CLIC2: variants seen among roughly 807,000 people sequenced by gnomAD.
The protein encoded by CLIC2 is CLIC family member 2, also known as chloride intracellular channel protein 2.
A neutral mutation model predicts 14.8 loss-of-function variants in CLIC2; 9 were observed. The ratio of observed to expected loss-of-function variants is 0.61; its 90% CI spans 0.37 to 1.06. The LOEUF (loss-of-function observed/expected upper bound fraction) is 1.06, where lower values mean the gene tolerates loss of function less well. Ranked by LOEUF, CLIC2 falls within the 50% of genes least tolerant of loss-of-function variation. CLIC2 has a pLI of 0.01. For synonymous variants in CLIC2, 61 were observed against 66.3 expected, an observed-to-expected ratio of 0.92 and a Z score of 0.39; for missense variants, 148 against 181.4, an observed-to-expected ratio of 0.82 and a Z score of 1.06.
At chrX:155,306,326 C>A (rs983565184) in intron 1 of CLIC2, among the ~76,000 whole-genome samples, 6 of 111,813 alleles carry the variant, frequency 5.4e-5, no homozygotes, top group African/African-American at 1.6e-4. Context: ...CTTGTTCCCA[C>A]TTTCAGCATG....
intron 1 of CLIC2, among the ~76,000 whole-genome samples, chrX:155,319,274 C>T (rs1557321337): frequency 9.0e-6 from 1 of 111,387 alleles, no homozygotes; most frequent in African/African-American, 3.3e-5. Context: ...GGCAAGATGG[C>T]CAAATAAGAA....
At chrX:155,311,656 T>C (rs1557320587) in intron 1 of CLIC2, among the ~76,000 whole-genome samples, 1 of 111,885 alleles carries the variant, frequency 8.9e-6, no homozygotes, top group Non-Finnish European at 1.9e-5. Context: ...ACCCTATTCT[T>C]GGTACCAATT....
In CLIC2 at chrX:155,334,550, C is replaced by A. The variant is rs1444759481; in HGVS notation, c.-123G>T. The A allele has an allele frequency of 3.3e-6, 2 of 609,040 alleles. No homozygotes were observed. The highest frequency in any genetic ancestry group is 2.8e-6 in the Non-Finnish European group (1 of 356,924). 50.2% of individuals were successfully genotyped at this position (609,040 alleles called of 1,213,427 possible). A position where few individuals can be genotyped will look rare whatever the true frequency, so the allele number is the denominator to read the frequency against. On this transcript the variant is annotated 5_prime_UTR_variant, in exon 1 of 6. Coordinates refer to ENST00000369449, the MANE Select transcript of CLIC2 (RefSeq NM_001289.6). ...TTGGTGCTTTAAGAAGACCGTCTAG[C>A]TTGTAGTGGACTGAGTCAGACCTGG...
intron 1 of CLIC2, among the ~76,000 whole-genome samples, chrX:155,307,946 G>C (rs1557320174): frequency 9.0e-6 from 1 of 110,676 alleles, no homozygotes; most frequent in African/African-American, 3.3e-5. Flanking sequence ...CAAGAACGAT[G>C]GGTACAAACA....
intron 1 of CLIC2, among the ~76,000 whole-genome samples, chrX:155,299,835 T>G (rs1336841004): frequency 2.9e-5 from 3 of 103,747 alleles, no homozygotes; most frequent in Non-Finnish European, 5.9e-5. Flanking sequence ...TGTTTGGTTT[T>G]TTGTTCTTGC....
chrX:155,295,265 A>G (rs1370283789), intron 3 of CLIC2, among the ~76,000 whole-genome samples: 1 of 111,892 alleles, frequency 8.9e-6, no homozygotes. Flanking sequence ...AAGGACAAAA[A>G]ACATATCATC....
rs1557317580 is a variant in CLIC2, at chrX:155,291,249, C to A, written c.293+7536G>T. The A allele has an allele frequency of 3.2e-6, 3 of 943,475 alleles. No individual in the cohort carries two copies. The African/African-American group carries it at 5.8e-5, about 18-fold the overall frequency. 77.8% of individuals were successfully genotyped at this position (943,475 alleles called of 1,213,427 possible). A position where few individuals can be genotyped will look rare whatever the true frequency, so the allele number is the denominator to read the frequency against. ...GTTATCCCAGGAATCTGAAGGCTGA[C>A]TATATATGATCCAATCATAAGTTGC... is the stretch of plus-strand genomic sequence containing the variant. On this transcript the variant is annotated intron_variant, in intron 3 of 5. Coordinates refer to ENST00000369449, the MANE Select transcript of CLIC2 (RefSeq NM_001289.6).
At chrX:155,313,197 CAAA>C (rs59429236) in intron 1 of CLIC2, among the ~76,000 whole-genome samples, 105 of 32,673 alleles carry the variant, frequency 3.2e-3, no homozygotes, top group African/African-American at 9.2e-3. Flanking sequence ...ATAAATAAGG[CAAA>C]AAAAAAAAAA....
chrX:155,330,657 T>C (rs1557322732), intron 1 of CLIC2, among the ~76,000 whole-genome samples: 1 of 110,914 alleles, frequency 9.0e-6, no homozygotes, highest in African/African-American at 3.3e-5. Context: ...AATAGAGAAG[T>C]TCAAAAAGAA....
intron 1 of CLIC2, among the ~76,000 whole-genome samples, chrX:155,328,642 T>A (rs1387764497): frequency 9.0e-6 from 1 of 110,939 alleles, no homozygotes; most frequent in Non-Finnish European, 1.9e-5. Context: ...CAGAAATTTT[T>A]AAAAATCCTA....
At chrX:155,285,051 T>C (rs1178012128) in intron 3 of CLIC2, among the ~76,000 whole-genome samples, 1 of 112,507 alleles carries the variant, frequency 8.9e-6, no homozygotes, top group African/African-American at 3.2e-5. Flanking sequence ...AATGGAGTTC[T>C]GGAATTCCCT....
chrX:155,330,797 A>G (rs888501025), intron 1 of CLIC2, among the ~76,000 whole-genome samples: 1 of 110,684 alleles, frequency 9.0e-6, no homozygotes, highest in South Asian at 3.8e-4. Flanking sequence ...GGAGGAGGGA[A>G]AGTCAGGGAT....
chrX:155,296,876 A>G (rs1219228944), intron 3 of CLIC2, among the ~76,000 whole-genome samples: 1 of 111,873 alleles, frequency 8.9e-6, no homozygotes, highest in African/African-American at 3.2e-5. Context: ...GAGTATAAAT[A>G]TAGCCACTAT....
At chrX:155,292,155 C>G in intron 3 of CLIC2, 1 of 567,312 alleles carries the variant, frequency 1.8e-6, no homozygotes, top group East Asian at 3.3e-5. Context: ...CCTGATGAAA[C>G]AGGAGAATAC....
chrX:155,306,173 C>T (rs1557320002), intron 1 of CLIC2, among the ~76,000 whole-genome samples: 2 of 111,769 alleles, frequency 1.8e-5, no homozygotes, highest in Non-Finnish European at 3.8e-5. Context: ...GGAGGTGGGG[C>T]CTGGTAGGAG....
intron 1 of CLIC2, among the ~76,000 whole-genome samples, chrX:155,329,612 A>G (rs1303987795): frequency 1.8e-5 from 2 of 109,023 alleles, no homozygotes; most frequent in Admixed American, 9.8e-5. Context: ...TACAACCACT[A>G]TGGAGAACAG....
At chrX:155,305,499 G>A (rs1207615212) in intron 1 of CLIC2, among the ~76,000 whole-genome samples, 2 of 111,972 alleles carry the variant, frequency 1.8e-5, no homozygotes, top group African/African-American at 3.2e-5. Context: ...AGATGAACCC[G>A]GTACCTCAGA....
At chrX:155,318,964 G>A (rs918021838) in intron 1 of CLIC2, among the ~76,000 whole-genome samples, 2 of 111,800 alleles carry the variant, frequency 1.8e-5, no homozygotes, top group Non-Finnish European at 3.8e-5. Context: ...GTGGGGAAAG[G>A]ACACCCTATT....
At chrX:155,328,307 G>C (rs2075145433) in intron 1 of CLIC2, among the ~76,000 whole-genome samples, 1 of 111,293 alleles carries the variant, frequency 9.0e-6, no homozygotes, top group Admixed American at 9.6e-5. Context: ...ATTCAGTAAA[G>C]TTGCAGGTTA....
Sources: allele counts gnomAD v4.1 joint callset (sites outside exome capture counted in the v4.1 genomes callset), GRCh38; gene constraint gnomAD v4.1.1; transcripts MANE v1.5; gene names NCBI Gene and HGNC (gene_info 2026-07-23, HGNC 2026-07-21).